The following RBFOX1 variants were observed in gnomAD, a reference collection of about 807,000 sequenced individuals.
The protein encoded by RBFOX1 is RNA binding protein fox-1 homolog 1.
RBFOX1 carries 8 observed loss-of-function variants against 57.7 expected under a neutral mutation model. The observed-to-expected ratio is 0.14, with a 90% CI of 0.08 to 0.25. The LOEUF is 0.25. RBFOX1 is among the 10% of genes least tolerant of loss of function. The pLI is 1.00. For synonymous variants in RBFOX1, 326 were observed against 222.4 expected (o/e 1.47, Z -4.15); for missense variants, 611 against 548.5 (o/e 1.11, Z -1.14).
intron 3 of RBFOX1, among the ~76,000 whole-genome samples, chr16:7,047,959 A>G (rs944274071): frequency 1.3e-5 from 2 of 150,590 alleles, no homozygotes; most frequent in African/African-American, 4.9e-5. Flanking sequence ...ACTCACTGCA[A>G]CCTCCCCCTG....
Position 6,660,467 on chromosome 16 carries a change from A to T in RBFOX1, c.-16+5817A>T, listed in dbSNP as rs1009913116. ...CTCAGACAAATTAAGTCACTTGCCC[A>T]GGATTATTCAGGACGTATCATGAGG... On this transcript the variant is annotated intron_variant, in intron 3 of 15. Transcript: ENST00000550418. Among the ~76,000 whole-genome samples the T allele has an allele frequency of 5.3e-5, 8 of 152,102 alleles. No individual in the cohort carries two copies. In the East Asian group the frequency reaches 1.5e-3, roughly 29 times the overall value.
chr16:6,382,567 A>G (rs2091913395), intron 2 of RBFOX1, among the ~76,000 whole-genome samples: 1 of 152,120 alleles, frequency 6.6e-6, no homozygotes, highest in African/African-American at 2.4e-5. Flanking sequence ...GGGATGTGAA[A>G]ATGCTTTTAA....
chr16:5,952,918 G>T (rs1476243714), intron 4 of RBFOX1, among the ~76,000 whole-genome samples: 1 of 152,182 alleles, frequency 6.6e-6, no homozygotes. Flanking sequence ...TCAGGATCAA[G>T]AATCTTTTTA....
intron 4 of RBFOX1, among the ~76,000 whole-genome samples, chr16:7,227,023 G>A (rs1200661472): frequency 3.3e-5 from 5 of 152,080 alleles, no homozygotes; most frequent in South Asian, 4.2e-4. Context: ...TTGAGTTGTG[G>A]TTGTCCTCTC....
intron 4 of RBFOX1, among the ~76,000 whole-genome samples, chr16:5,918,612 C>T (rs913615690): frequency 6.6e-6 from 1 of 152,156 alleles, no homozygotes; most frequent in Non-Finnish European, 1.5e-5. Context: ...GATTAAAACC[C>T]CTCTAAAATT....
rs527770911 is a variant in RBFOX1 at position 6,976,448 on chromosome 16, G to T, written c.-15-75609G>T. Reference sequence around the variant, plus strand: ...TTATACATCTGTGGCTATTGGTTTTGTTCCAGGAAAGGGGTCCTGATTTAG... The same window carrying T: ...TTATACATCTGTGGCTATTGGTTTTTTTCCAGGAAAGGGGTCCTGATTTAG... On this transcript the variant is annotated intron_variant, in intron 3 of 15. Coordinates refer to ENST00000550418, the MANE Select transcript of RBFOX1 (RefSeq NM_018723.4). Among the ~76,000 whole-genome samples, 20 of 152,148 alleles carry T rather than the reference G, an allele frequency of 1.3e-4. 1 individual carries two copies. In the South Asian group the frequency reaches 2.7e-3, roughly 20 times the overall value.
chr16:7,268,710 G>A (rs1486707101), intron 4 of RBFOX1, among the ~76,000 whole-genome samples: 1 of 151,934 alleles, frequency 6.6e-6, no homozygotes, highest in Non-Finnish European at 1.5e-5. Flanking sequence ...AGCCTCCTTG[G>A]GACTAGCCTT....
intron 2 of RBFOX1, among the ~76,000 whole-genome samples, chr16:6,416,067 G>A (rs1329632543): frequency 6.6e-6 from 1 of 152,292 alleles, no homozygotes. Flanking sequence ...TGGGCCATTA[G>A]CAAGCGGTAA....
In RBFOX1 at chr16:5,837,081, G is replaced by T. The variant is rs986205077; in HGVS notation, c.319-30222G>T. ...ATGATTTGGAGGTCCCTTCTTAGGG[G>T]ACACTCATTCATAATTCTAGCCTCC... On this transcript the variant is annotated intron_variant, in intron 3 of 19. Coordinates refer to the RBFOX1 transcript ENST00000641259. Among the ~76,000 whole-genome samples, 3 of 152,068 alleles carry T rather than the reference G, an allele frequency of 2.0e-5. 1 individual carries two copies. Among genetic ancestry groups the T allele is most frequent in the African/African-American group, 7.2e-5 (3 of 41,408 alleles).
intron 1 of RBFOX1, among the ~76,000 whole-genome samples, chr16:6,063,298 T>C (rs1223817349): frequency 6.6e-6 from 1 of 152,024 alleles, no homozygotes; most frequent in East Asian, 1.9e-4. Flanking sequence ...CAATTGAGTC[T>C]CCCAGGCCAG....
At chr16:6,562,864 CTTTCTTTCTTTCTTTCTTT>C (rs2097199263) in intron 2 of RBFOX1, among the ~76,000 whole-genome samples, 1 of 50,246 alleles carries the variant, frequency 2.0e-5, no homozygotes, top group Admixed American at 2.0e-4. Context: ...TTCTTTCTTT[CTTTCTTTCTTTCTTTCTTT>C]TTTTTTTTTT....
chr16:7,213,949 A>G (rs1456134738), intron 4 of RBFOX1, among the ~76,000 whole-genome samples: 2 of 152,108 alleles, frequency 1.3e-5, no homozygotes, highest in Non-Finnish European at 2.9e-5. Context: ...AAGAACTAAA[A>G]TATTCCATTT....
chr16:6,846,031 T>C (rs1346990446), intron 3 of RBFOX1, among the ~76,000 whole-genome samples: 2 of 152,236 alleles, frequency 1.3e-5, no homozygotes, highest in East Asian at 3.9e-4. Flanking sequence ...TCAGGCCATA[T>C]TTCTGTCCCT....
intron 3 of RBFOX1, among the ~76,000 whole-genome samples, chr16:6,770,364 C>T (rs2078081336): frequency 6.6e-6 from 1 of 152,130 alleles, no homozygotes; most frequent in Non-Finnish European, 1.5e-5. Context: ...AAAACTGCAG[C>T]CTGTGGGCCA....
At chr16:5,447,378 A>ACCTCTCTCTCTCTCTCTCTCTC (rs2068276812) in intron 1 of RBFOX1, among the ~76,000 whole-genome samples, 1 of 134,360 alleles carries the variant, frequency 7.4e-6, no homozygotes, top group African/African-American at 3.0e-5. Context: ...CAATCAATCA[A>ACCTCTCTCTCTCTCTCTCTCTC]TCTCTCTCTC....
At chr16:7,062,990 G>C (rs2054949541) in intron 4 of RBFOX1, among the ~76,000 whole-genome samples, 1 of 134,910 alleles carries the variant, frequency 7.4e-6, no homozygotes, top group African/African-American at 2.8e-5. Context: ...TGATACACTG[G>C]GGAAATGTGC....
rs965917953 is a variant in RBFOX1 at position 5,891,716 on chromosome 16, G to C, written c.351+24381G>C. 3.3e-5 allele frequency among the ~76,000 whole-genome samples: 5 copies of C among 152,210 alleles called. 1 individual carries two copies. The South Asian group carries it at 6.2e-4, about 19-fold the overall frequency. On this transcript the variant is annotated intron_variant, in intron 4 of 19. Transcript: ENST00000641259. ...ATGAAGGGATCCACCTGGGGAGAAA[G>C]GAACAGTGAGAAAGGGCTGTGGGGC...
intron 4 of RBFOX1, among the ~76,000 whole-genome samples, chr16:7,264,022 C>T (rs908393444): frequency 6.6e-6 from 1 of 151,686 alleles, no homozygotes; most frequent in African/African-American, 2.4e-5. Flanking sequence ...TCAGCCCCAT[C>T]AAACCAACAC....
At chr16:7,164,211 T>C (rs929713756) in intron 4 of RBFOX1, among the ~76,000 whole-genome samples, 11 of 152,270 alleles carry the variant, frequency 7.2e-5, no homozygotes, top group African/African-American at 1.9e-4. Flanking sequence ...TGAGAACATA[T>C]GATGTTTGCT....
Sources: allele counts gnomAD v4.1 joint callset (sites outside exome capture counted in the v4.1 genomes callset), GRCh38; gene constraint gnomAD v4.1.1; transcripts MANE v1.5; gene names NCBI Gene and HGNC (gene_info 2026-07-23, HGNC 2026-07-21).